Variants in TTC39C observed in about 807,000 individuals in gnomAD.
TTC39C encodes tetratricopeptide repeat domain 39C.
In TTC39C, 33 loss-of-function variants were observed where a neutral mutation model predicts 76.3. The observed-to-expected ratio is 0.43, with a 90% confidence interval of 0.33 to 0.58. TTC39C has a LOEUF of 0.58. Ranked by LOEUF, TTC39C falls within the 20% of genes least tolerant of loss-of-function variation. The probability of loss-of-function intolerance (pLI) is 0.04; values close to 1 mark genes in which losing one functional copy is unlikely to be tolerated. For synonymous variants in TTC39C, 254 were observed against 260.6 expected, an observed-to-expected ratio of 0.97 and a Z score of 0.24; for missense variants, 595 against 701.4, an observed-to-expected ratio of 0.85 and a Z score of 1.71.
intron 1 of TTC39C, among the ~76,000 whole-genome samples, chr18:24,044,052 TTGTGTGTGTGTGTGTGTGTGTG>T (rs56233680): frequency 6.8e-6 from 1 of 147,846 alleles, no homozygotes; most frequent in Non-Finnish European, 1.5e-5. Flanking sequence ...TTGTGTATGT[TTGTGTGTGTGTGTGTGTGTGTG>T]TGTGTGTGTG....
chr18:24,030,882 G>A (rs1036055320), intron 1 of TTC39C, among the ~76,000 whole-genome samples: 1 of 151,918 alleles, frequency 6.6e-6, no homozygotes, highest in Non-Finnish European at 1.5e-5. Flanking sequence ...CTGACCTCAG[G>A]CGATCTGCCT....
At chr18:24,131,208 C>CA (rs35276530) in intron 12 of TTC39C, among the ~76,000 whole-genome samples, 76,423 of 119,326 alleles carry the variant, frequency 0.64, 27,065 homozygotes, top group Non-Finnish European at 0.8. Flanking sequence ...GACCCTGTCT[C>CA]AAAAAAAAAA....
At chr18:24,100,495 C>G (rs2084661700) in intron 6 of TTC39C, among the ~76,000 whole-genome samples, 1 of 152,200 alleles carries the variant, frequency 6.6e-6, no homozygotes. Context: ...TGAGGCAACC[C>G]AGGAGGCGTG....
intron 1 of TTC39C, among the ~76,000 whole-genome samples, chr18:24,033,460 T>C (rs1352909162): frequency 6.6e-6 from 1 of 152,200 alleles, no homozygotes; most frequent in Non-Finnish European, 1.5e-5. Flanking sequence ...TTTCTACTTA[T>C]CCTTCAACCT....
At chr18:24,040,126 G>A (rs2083774903) in intron 1 of TTC39C, among the ~76,000 whole-genome samples, 2 of 152,192 alleles carry the variant, frequency 1.3e-5, no homozygotes, top group South Asian at 4.1e-4. Context: ...CCGTGATTGG[G>A]ACCACTAGTG....
intron 6 of TTC39C, among the ~76,000 whole-genome samples, chr18:24,093,203 G>T (rs2084546911): frequency 6.6e-6 from 1 of 152,100 alleles, no homozygotes; most frequent in Non-Finnish European, 1.5e-5. Context: ...GTATTGGCCG[G>T]GTGCAGTGGC....
chr18:24,125,709 T>G lies in TTC39C; in HGVS notation c.1420+159T>G, dbSNP rs1263516472. 3 of 914,824 alleles carry G rather than the reference T, an allele frequency of 3.3e-6. No individual in the cohort carries two copies. In the East Asian group the frequency reaches 7.9e-5, roughly 24 times the overall value. 56.7% of individuals were successfully genotyped at this position (914,824 alleles called of 1,614,324 possible). ...ATAGAGGGTGTCGTGATGAAGAAAATCCTGTCACTTAGGTGATGGGAGGAG... is the reference window on the plus strand; with the variant it reads ...ATAGAGGGTGTCGTGATGAAGAAAAGCCTGTCACTTAGGTGATGGGAGGAG... On this transcript the variant is annotated intron_variant, in intron 10 of 13. Coordinates refer to ENST00000317571, the MANE Select transcript of TTC39C (RefSeq NM_001135993.2).
rs564263067 is a variant in TTC39C, at chr18:24,046,782, G to A, written c.168-17358G>A. ...ATGTAGAGAACTTTCCAAAAGATTT[G>A]CACCAATTTTCATTCCCACCACTCA... On this transcript the variant is annotated intron_variant, in intron 1 of 13. Coordinates refer to ENST00000317571, the MANE Select transcript of TTC39C (RefSeq NM_001135993.2). Among the ~76,000 whole-genome samples, 36 of 151,818 alleles carry A rather than the reference G, an allele frequency of 2.4e-4. No homozygotes were observed. In the Middle Eastern group the frequency reaches 0.017, roughly 72 times the overall value.
intron 6 of TTC39C, among the ~76,000 whole-genome samples, chr18:24,098,230 C>T (rs926846272): frequency 2.0e-5 from 3 of 151,970 alleles, no homozygotes; most frequent in Non-Finnish European, 2.9e-5. Context: ...TTATTTCTCC[C>T]ATTTTGACTA....
At chr18:24,017,962 G>C (rs2083474073) in intron 1 of TTC39C, among the ~76,000 whole-genome samples, 1 of 152,230 alleles carries the variant, frequency 6.6e-6, no homozygotes, top group Non-Finnish European at 1.5e-5. Flanking sequence ...ACAGCTGCCT[G>C]ATGAGAAATG....
intron 6 of TTC39C, chr18:24,099,214 A>C (rs987092261): frequency 6.6e-6 from 1 of 151,608 alleles, no homozygotes. Context: ...ACACACTTTT[A>C]TTTCTCACAG....
At chr18:24,022,141 C>A (rs528597429) in intron 1 of TTC39C, among the ~76,000 whole-genome samples, 87 of 152,234 alleles carry the variant, frequency 5.7e-4, no homozygotes, top group African/African-American at 2.0e-3. Flanking sequence ...AGGTGATATG[C>A]AAATACTGTG....
chr18:24,009,110 G>A (rs1312408295), intron 1 of TTC39C, among the ~76,000 whole-genome samples: 1 of 152,212 alleles, frequency 6.6e-6, no homozygotes, highest in East Asian at 1.9e-4. Flanking sequence ...ACTGGGCTTA[G>A]AACCTGGGTG....
chr18:24,075,761 G>A (rs2084300488), intron 4 of TTC39C, among the ~76,000 whole-genome samples: 1 of 151,936 alleles, frequency 6.6e-6, no homozygotes, highest in African/African-American at 2.4e-5. Context: ...ATTGCCATGG[G>A]TTAACCAGCC....
At position 24,043,575 on chromosome 18, in the gene TTC39C, T is replaced by C. The variant is rs571741646; in HGVS notation, c.168-20565T>C. Among the ~76,000 whole-genome samples the C allele has an allele frequency of 7.8e-4, 119 of 152,344 alleles. 1 individual carries two copies. The highest frequency in any genetic ancestry group is 2.7e-3 in the African/African-American group (111 of 41,582). On this transcript the variant is annotated intron_variant, in intron 1 of 13. Coordinates refer to ENST00000317571, the MANE Select transcript of TTC39C (RefSeq NM_001135993.2). ...CCCATGGGAGGCAGGGCGCCCTACA[T>C]GTGTCTTGAAGCCCTTCTCGTCTGC...
Position 24,131,893 on chromosome 18 carries a change from A to G in TTC39C, c.1635A>G (p.Arg545=), listed in dbSNP as rs753318119. 8.1e-6 allele frequency: 13 copies of G among 1,612,744 alleles called. No individual in the cohort carries two copies. In the East Asian group the frequency reaches 2.5e-4, roughly 30 times the overall value. The change falls in exon 13 of 14, where the codon AGA becomes AGG. Residue 545 remains arginine, a synonymous_variant. Transcript: ENST00000317571. ...LLLDKPETVG[R]GRALLLQAKE... ...TGTTTTTCTTATAGACTGTAGGAAG[A>G]GGCAGAGCTCTACTTCTTCAAGCAA...
intron 1 of TTC39C, among the ~76,000 whole-genome samples, chr18:24,003,286 C>T (rs900636491): frequency 1.3e-5 from 2 of 152,202 alleles, no homozygotes; most frequent in Non-Finnish European, 2.9e-5. Context: ...CCATGAACCC[C>T]CAGCTGGACT....
intron 6 of TTC39C, among the ~76,000 whole-genome samples, chr18:24,085,776 C>T (rs2084431020): frequency 6.6e-6 from 1 of 152,198 alleles, no homozygotes; most frequent in African/African-American, 2.4e-5. Flanking sequence ...AGATCTGTGA[C>T]TACGGTTATT....
At chr18:24,048,097 T>C (rs946442066) in intron 1 of TTC39C, among the ~76,000 whole-genome samples, 2 of 152,236 alleles carry the variant, frequency 1.3e-5, no homozygotes, top group Admixed American at 1.3e-4. Context: ...CATTCTGTTA[T>C]TAAAACAGAG....
Sources: gnomAD v4.1 joint callset for allele counts (sites outside exome capture counted in the v4.1 genomes callset) on GRCh38, gnomAD v4.1.1 for gene constraint, MANE v1.5 for transcripts, NCBI Gene and HGNC (gene_info 2026-07-23, HGNC 2026-07-21) for gene names.